The following CSMD3 variants were observed in gnomAD, a reference collection of about 807,000 sequenced individuals.
The protein encoded by CSMD3 is CUB and sushi domain-containing protein 3.
CSMD3 carries 177 observed loss-of-function variants against 435.2 expected under a neutral mutation model. The observed-to-expected ratio is 0.41, with a 90% CI of 0.36 to 0.46. The LOEUF is 0.46. Ranked by LOEUF, CSMD3 falls within the 20% of genes least tolerant of loss-of-function variation. The probability of loss-of-function intolerance (pLI) is 0.34; values close to 1 mark genes in which losing one functional copy is unlikely to be tolerated. For missense variants in CSMD3, 4,265 were observed against 4,504.6 expected (o/e 0.95, Z 1.52); for synonymous variants, 1,656 against 1,520.5 (o/e 1.09, Z -2.07).
chr8:112,272,516 TG>T (rs1214851233), intron 59 of CSMD3, among the ~76,000 whole-genome samples: 1 of 152,120 alleles, frequency 6.6e-6, no homozygotes, highest in Non-Finnish European at 1.5e-5. Context: ...AGCCTTCTAG[TG>T]GGTATAGAGA....
intron 4 of CSMD3, among the ~76,000 whole-genome samples, chr8:113,144,291 T>C (rs1028957242): frequency 3.3e-5 from 5 of 151,364 alleles, no homozygotes; most frequent in African/African-American, 1.2e-4. Flanking sequence ...GTATGTTTCC[T>C]TTTAGAGCTT....
chr8:112,529,920 G>T (rs989302595), intron 27 of CSMD3, among the ~76,000 whole-genome samples: 1 of 151,974 alleles, frequency 6.6e-6, no homozygotes, highest in Non-Finnish European at 1.5e-5. Context: ...AAGCTCAAGA[G>T]AATCATGCAT....
intron 22 of CSMD3, among the ~76,000 whole-genome samples, chr8:112,597,545 C>T (rs1831853767): frequency 8.3e-6 from 1 of 120,866 alleles, no homozygotes; most frequent in South Asian, 3.0e-4. Context: ...GATACCAAAG[C>T]CAGGCAGAGA....
intron 5 of CSMD3, among the ~76,000 whole-genome samples, chr8:113,066,650 CT>C (rs984715952): frequency 2.0e-5 from 3 of 151,974 alleles, no homozygotes. Context: ...AAAAAACAAG[CT>C]TCTCAAATAT....
At chr8:112,721,336 A>G (rs549731147) in intron 13 of CSMD3, among the ~76,000 whole-genome samples, 1 of 152,218 alleles carries the variant, frequency 6.6e-6, no homozygotes, top group African/African-American at 2.4e-5. Flanking sequence ...GCACTTTGGG[A>G]GGCCGAGGCA....
intron 24 of CSMD3, among the ~76,000 whole-genome samples, chr8:112,566,623 C>G (rs1439201616): frequency 6.6e-6 from 1 of 152,076 alleles, no homozygotes; most frequent in East Asian, 1.9e-4. Flanking sequence ...AAGCTGCAAA[C>G]ATAGACAAGC....
rs1274136618 is a variant in CSMD3 at position 112,511,923 on chromosome 8, C to T, written c.4757-5094G>A. ...AAGTGGATTCCATCTCAACAAATCA[C>T]TTTCTTTTCCCATCCATAAGAAGCA... On this transcript the variant is annotated intron_variant, in intron 28 of 70. Coordinates refer to ENST00000297405, the MANE Select transcript of CSMD3 (RefSeq NM_198123.2). Among the ~76,000 whole-genome samples, 4 of 152,164 alleles carry T rather than the reference C, an allele frequency of 2.6e-5. No individual in the cohort carries two copies. In the East Asian group the frequency reaches 7.7e-4, roughly 29 times the overall value.
intron 5 of CSMD3, among the ~76,000 whole-genome samples, chr8:113,027,362 G>A (rs141265068): frequency 6.3e-4 from 96 of 152,220 alleles, no homozygotes; most frequent in Non-Finnish European, 1.3e-3. Context: ...ACTTTCTGTT[G>A]TGTTGTGCGG....
intron 22 of CSMD3, among the ~76,000 whole-genome samples, chr8:112,631,396 C>T (rs895009338): frequency 1.3e-5 from 2 of 151,912 alleles, no homozygotes; most frequent in African/African-American, 4.8e-5. Flanking sequence ...AAAAGTTTGC[C>T]CACCCCTGGT....
chr8:113,109,738 G>T (rs533383260), intron 4 of CSMD3, among the ~76,000 whole-genome samples: 1 of 152,134 alleles, frequency 6.6e-6, no homozygotes, highest in Non-Finnish European at 1.5e-5. Flanking sequence ...TACTGGTCTG[G>T]ATTCTCTGGG....
intron 38 of CSMD3, among the ~76,000 whole-genome samples, chr8:112,368,040 G>A (rs574041844): frequency 6.6e-6 from 1 of 152,238 alleles, no homozygotes; most frequent in South Asian, 2.1e-4. Context: ...TTTTCTGAGT[G>A]TCACATGGCC....
intron 32 of CSMD3, among the ~76,000 whole-genome samples, chr8:112,448,115 C>T (rs1028675538): frequency 6.6e-6 from 1 of 152,192 alleles, no homozygotes; most frequent in Admixed American, 6.5e-5. Flanking sequence ...GGCTAAACAT[C>T]TGAGATCGGG....
At chr8:112,902,023 T>C (rs1329003133) in intron 10 of CSMD3, among the ~76,000 whole-genome samples, 1 of 151,316 alleles carries the variant, frequency 6.6e-6, no homozygotes, top group African/African-American at 2.4e-5. Context: ...CCATATAATG[T>C]CAAAGAAATT....
intron 10 of CSMD3, among the ~76,000 whole-genome samples, chr8:112,870,793 TCGTTGCC>T (rs2081114390): frequency 6.6e-6 from 1 of 151,946 alleles, no homozygotes; most frequent in Non-Finnish European, 1.5e-5. Context: ...ACAATCAAAG[TCGTTGCC>T]CTAGAGAGAT....
At chr8:112,899,662 TACAC>T (rs60352918) in intron 10 of CSMD3, among the ~76,000 whole-genome samples, 7,027 of 121,348 alleles carry the variant, frequency 0.058, 247 homozygotes, top group Non-Finnish European at 0.072. Flanking sequence ...CGCAAATACA[TACAC>T]ACACACACAC....
chr8:112,924,852 G>A (rs554446293), intron 9 of CSMD3, among the ~76,000 whole-genome samples: 3 of 152,026 alleles, frequency 2.0e-5, no homozygotes, highest in East Asian at 1.9e-4. Context: ...CAGCTTTCTC[G>A]TCTGTTGTGA....
intron 32 of CSMD3, among the ~76,000 whole-genome samples, chr8:112,420,662 C>T (rs1237382076): frequency 1.3e-5 from 2 of 151,942 alleles, no homozygotes; most frequent in Non-Finnish European, 2.9e-5. Context: ...TAGGATAAAA[C>T]TCAATTGAAC....
At chr8:112,329,995 C>A (rs957047070) in intron 45 of CSMD3, among the ~76,000 whole-genome samples, 2 of 151,992 alleles carry the variant, frequency 1.3e-5, no homozygotes, top group Non-Finnish European at 2.9e-5. Context: ...TCTCTCTGGA[C>A]ATCAAATAAT....
chr8:112,803,468 T>C (rs920183117), intron 12 of CSMD3, among the ~76,000 whole-genome samples: 2 of 152,128 alleles, frequency 1.3e-5, no homozygotes, highest in African/African-American at 4.8e-5. Flanking sequence ...CCCCCAAAAG[T>C]CACTTATCAT....
Sources: allele counts gnomAD v4.1 joint callset (sites outside exome capture counted in the v4.1 genomes callset), GRCh38; gene constraint gnomAD v4.1.1; transcripts MANE v1.5; gene names NCBI Gene and HGNC (gene_info 2026-07-23, HGNC 2026-07-21).